Variants in ERBB4 observed in about 807,000 individuals in gnomAD.
ERBB4 encodes erb-b2 receptor tyrosine kinase 4, also known as receptor tyrosine-protein kinase erbB-4.
ERBB4 carries 42 observed loss-of-function variants against 158.0 expected under a neutral mutation model. The observed-to-expected ratio is 0.27, with a 90% CI of 0.21 to 0.34. The LOEUF is 0.34. Among genes scored for constraint, ERBB4 ranks in the 10% least tolerant of loss-of-function variants. The pLI is 1.00. For synonymous variants in ERBB4, 583 were observed against 558.7 expected (o/e 1.04, Z -0.61); for missense variants, 1,333 against 1,624.1 (o/e 0.82, Z 3.08).
chr2:211,467,699 A>G (rs2064728381), intron 20 of ERBB4, among the ~76,000 whole-genome samples: 1 of 152,196 alleles, frequency 6.6e-6, no homozygotes, highest in Admixed American at 6.5e-5. Context: ...ATATTTTCTT[A>G]GTTTAAGTGA....
chr2:212,387,431 C>T (rs776402404), intron 1 of ERBB4, among the ~76,000 whole-genome samples: 1 of 151,390 alleles, frequency 6.6e-6, no homozygotes, highest in Non-Finnish European at 1.5e-5. Flanking sequence ...TTGATACAAT[C>T]TGCCTCTTGC....
intron 1 of ERBB4, among the ~76,000 whole-genome samples, chr2:212,378,919 T>C (rs778977069): frequency 6.6e-6 from 1 of 151,818 alleles, no homozygotes; most frequent in Non-Finnish European, 1.5e-5. Flanking sequence ...AATGCAGAAT[T>C]TAGGTGAGGT....
At chr2:212,530,663 C>A (rs889612644) in intron 1 of ERBB4, among the ~76,000 whole-genome samples, 2 of 152,128 alleles carry the variant, frequency 1.3e-5, no homozygotes, top group South Asian at 4.1e-4. Context: ...CATGAGATAA[C>A]CCCAGCAGAG....
chr2:211,721,443 CA>C (rs71054136), intron 7 of ERBB4, among the ~76,000 whole-genome samples: 3,171 of 54,222 alleles, frequency 0.058, 33 homozygotes, highest in Non-Finnish European at 0.08. Context: ...TTACTCAAAG[CA>C]AAAAAAAAAA....
chr2:212,363,389 A>G (rs2106366921), intron 1 of ERBB4, among the ~76,000 whole-genome samples: 1 of 151,666 alleles, frequency 6.6e-6, no homozygotes, highest in Admixed American at 6.6e-5. Flanking sequence ...ACAGAATCAT[A>G]GCTACAGATA....
intron 1 of ERBB4, among the ~76,000 whole-genome samples, chr2:212,233,275 C>T (rs1285551999): frequency 6.6e-6 from 1 of 152,064 alleles, no homozygotes; most frequent in Admixed American, 6.6e-5. Context: ...TCTTGAAATC[C>T]ACTCTAACCC....
chr2:211,926,038 C>T (rs1301216435), intron 3 of ERBB4, among the ~76,000 whole-genome samples: 2 of 151,864 alleles, frequency 1.3e-5, no homozygotes, highest in South Asian at 2.1e-4. Flanking sequence ...TGATCTTTTG[C>T]GGAGGAAAAG....
At chr2:211,580,204 T>C (rs147824244) in intron 19 of ERBB4, among the ~76,000 whole-genome samples, 71 of 152,192 alleles carry the variant, frequency 4.7e-4, no homozygotes, top group African/African-American at 1.6e-3. Flanking sequence ...AAAACACAGT[T>C]GAAACCCACA....
At chr2:211,583,941 A>G (rs1352591635) in intron 19 of ERBB4, among the ~76,000 whole-genome samples, 1 of 150,384 alleles carries the variant, frequency 6.6e-6, no homozygotes, top group East Asian at 1.9e-4. Flanking sequence ...TTAAAATGCA[A>G]TTTTAACTAC....
chr2:211,378,625 A>G lies in ERBB4; in HGVS notation c.*4990T>C, dbSNP rs1559106432. ...AAAAATTTTATTAATTCTACCCAGA[A>G]GTATAAAAACTGGCCCCATTGTAAT... On this transcript the variant is annotated 3_prime_UTR_variant, in exon 28 of 28. Coordinates refer to ENST00000342788, the MANE Select transcript of ERBB4 (RefSeq NM_005235.3). The G allele has an allele frequency of 4.3e-6, 1 of 232,444 alleles. No homozygotes were observed. Among genetic ancestry groups the G allele is most frequent in the Non-Finnish European group, 8.5e-6 (1 of 117,294 alleles). The allele number at this position is 232,444 out of a possible 1,614,324, so 14.4% of individuals were successfully genotyped here. A position where few individuals can be genotyped will look rare whatever the true frequency, so the allele number is the denominator to read the frequency against.
At chr2:211,632,411 T>C (rs1428334179) in intron 16 of ERBB4, among the ~76,000 whole-genome samples, 1 of 152,094 alleles carries the variant, frequency 6.6e-6, no homozygotes, top group Non-Finnish European at 1.5e-5. Context: ...ATTTTTGTTT[T>C]CTCAGTCCAA....
chr2:211,899,035 A>G (rs2079167666), intron 3 of ERBB4, among the ~76,000 whole-genome samples: 2 of 152,186 alleles, frequency 1.3e-5, no homozygotes, highest in African/African-American at 4.8e-5. Flanking sequence ...CTTACCTATT[A>G]TAACAATAAA....
intron 1 of ERBB4, among the ~76,000 whole-genome samples, chr2:212,188,234 C>CTCTCTCTCTCCCT (rs1443869832): frequency 4.2e-5 from 1 of 24,066 alleles, no homozygotes; most frequent in African/African-American, 1.4e-4. Context: ...CTCTCTCTCT[C>CTCTCTCTCTCCCT]CCCCCCCCTC....
At position 211,523,049 on chromosome 2, in the gene ERBB4, G is replaced by T. The variant is rs571736673; in HGVS notation, c.2487+38854C>A. Among the ~76,000 whole-genome samples, 4 of 150,446 alleles carry T rather than the reference G, an allele frequency of 2.7e-5. No homozygotes were observed. In the South Asian group the frequency reaches 6.5e-4, roughly 24 times the overall value. On this transcript the variant is annotated intron_variant, in intron 20 of 27. Coordinates refer to ENST00000342788, the MANE Select transcript of ERBB4 (RefSeq NM_005235.3). ...AGAAATTTTGGATACATTTTAGAAA[G>T]GCAAGAGGATAGGAAATAACACTGG... is the stretch of plus-strand genomic sequence containing the variant.
chr2:211,624,307 G>A (rs530437246), intron 17 of ERBB4, among the ~76,000 whole-genome samples: 1 of 152,118 alleles, frequency 6.6e-6, no homozygotes, highest in South Asian at 2.1e-4. Flanking sequence ...CTACCTTGAG[G>A]CATACTAGGC....
At chr2:212,503,183 T>TG (rs2106247698) in intron 1 of ERBB4, among the ~76,000 whole-genome samples, 1 of 152,356 alleles carries the variant, frequency 6.6e-6, no homozygotes, top group East Asian at 1.9e-4. Context: ...AAACTCTTAC[T>TG]GGGTTAAGCT....
chr2:212,274,560 T>C (rs2106128187), intron 1 of ERBB4, among the ~76,000 whole-genome samples: 2 of 151,948 alleles, frequency 1.3e-5, no homozygotes, highest in East Asian at 3.9e-4. Flanking sequence ...TGCAGTTAAT[T>C]TTATGCAATT....
At chr2:212,311,920 G>T (rs1393853131) in intron 1 of ERBB4, among the ~76,000 whole-genome samples, 2 of 150,924 alleles carry the variant, frequency 1.3e-5, no homozygotes, top group African/African-American at 4.8e-5. Flanking sequence ...AACTCCTGGT[G>T]AATAAATACA....
chr2:212,394,106 G>C (rs2090956629), intron 1 of ERBB4, among the ~76,000 whole-genome samples: 1 of 152,014 alleles, frequency 6.6e-6, no homozygotes, highest in Non-Finnish European at 1.5e-5. Context: ...TTTCTATTGT[G>C]CTTGAGTCCT....
Sources: allele counts gnomAD v4.1 joint callset (sites outside exome capture counted in the v4.1 genomes callset), GRCh38; gene constraint gnomAD v4.1.1; transcripts MANE v1.5; gene names NCBI Gene and HGNC (gene_info 2026-07-23, HGNC 2026-07-21).